NPHP4: variants seen among roughly 807,000 people sequenced by gnomAD.
The protein encoded by NPHP4 is nephrocystin-4.
NPHP4 carries 151 observed loss-of-function variants against 155.8 expected under a neutral mutation model. The observed-to-expected ratio is 0.97, with a 90% CI of 0.85 to 1.11. The LOEUF (loss-of-function observed/expected upper bound fraction) is 1.11. Among genes scored for constraint, NPHP4 ranks in the 50% least tolerant of loss-of-function variants. NPHP4 has a pLI of 0.00. For synonymous variants in NPHP4, 845 were observed against 816.8 expected, an observed-to-expected ratio of 1.03 and a Z score of -0.59; for missense variants, 1,956 against 1,925.7, an observed-to-expected ratio of 1.02 and a Z score of -0.29.
At chr1:5,873,950 CT>C in intron 22 of NPHP4, 1 of 219,992 alleles carries the variant, frequency 4.5e-6, no homozygotes, top group Admixed American at 5.5e-5. Context: ...GCATACATGC[CT>C]CCTGCACACA....
At chr1:5,952,585 CCCACCCCTACCCTGCCCCA>C (rs1648339698) in intron 7 of NPHP4, 96 bp downstream of exon 7, 2 of 138,126 alleles carry the variant, frequency 1.4e-5, no homozygotes, top group Non-Finnish European at 3.2e-5. Context: ...CCCTGCCCCA[CCCACCCCTACCCTGCCCCA>C]CCCACCCCTA....
intron 15 of NPHP4, 149 bp from the exon 16 acceptor site, chr1:5,904,953 G>A: frequency 1.3e-6 from 1 of 760,650 alleles, no homozygotes; most frequent in Non-Finnish European, 2.2e-6. Context: ...CAACCGCTTT[G>A]CTGTGCTCTC....
At chr1:5,973,369 A>T (rs1289019836) in intron 3 of NPHP4, among the ~76,000 whole-genome samples, 1 of 152,174 alleles carries the variant, frequency 6.6e-6, no homozygotes, top group African/African-American at 2.4e-5. Context: ...TTAGAAAAGT[A>T]AGTGAGCAGA....
At position 5,948,127 on chromosome 1, in the gene NPHP4, A is replaced by G. The variant is rs1268264875; in HGVS notation, c.935T>C (p.Val312Ala). The G allele has an allele frequency of 1.2e-6, 2 of 1,613,728 alleles. No individual in the cohort carries two copies. The highest frequency in any genetic ancestry group is 2.7e-5 in the African/African-American group (2 of 74,906). Residue 312 changes from valine (V) to alanine (A), a missense_variant, in exon 8 of 30, where the codon GTG becomes GCG. By Grantham distance (64) the Val-to-Ala change is moderately conservative (BLOSUM62 0). Transcript: ENST00000378156. ...QVVVLVPEMD[V>A]ALTRSASFSR... ...GAAGCTAGCTGAGCGCGTCAAGGCC[A>G]CATCCATCTCAGGCACCAGTACAAC... is the stretch of plus-strand genomic sequence containing the variant.
chr1:5,918,804 A>T (rs1048791818), intron 11 of NPHP4, among the ~76,000 whole-genome samples: 2 of 152,250 alleles, frequency 1.3e-5, no homozygotes, highest in Non-Finnish European at 2.9e-5. Context: ...ATGAAGTGGA[A>T]AACATAAATA....
intron 5 of NPHP4, among the ~76,000 whole-genome samples, chr1:5,963,723 T>C (rs1650814244): frequency 1.3e-5 from 2 of 149,390 alleles, no homozygotes; most frequent in South Asian, 4.2e-4. Context: ...AGAATCTTGC[T>C]GTCACCCAGG....
rs912300581 is a variant in NPHP4 at position 5,974,337 on chromosome 1, C to T, written c.279+3933G>A. Reference sequence around the variant, plus strand: ...GGTTTAAGCTGTTGCTGGAGAATCACGAGGATTCCTGCCCAGTAACTCCCC... The same window carrying T: ...GGTTTAAGCTGTTGCTGGAGAATCATGAGGATTCCTGCCCAGTAACTCCCC... On this transcript the variant is annotated intron_variant, in intron 3 of 29. Transcript: ENST00000378156. 9.4e-4 allele frequency among the ~76,000 whole-genome samples: 143 copies of T among 152,128 alleles called. 2 individuals are homozygous for T. Among genetic ancestry groups the T allele is most frequent in the African/African-American group, 3.1e-3 (130 of 41,504 alleles).
rs1269067609 is a variant in NPHP4, at chr1:5,890,747, G to C, written c.2304+121C>G. On this transcript the variant is annotated intron_variant, in intron 17 of 29. Coordinates refer to ENST00000378156, the MANE Select transcript of NPHP4 (RefSeq NM_015102.5). This position sits in a 1 kb window ranked among gnomAD's most constrained non-coding sequence, Gnocchi z 4.9. The stretch of plus-strand genomic sequence containing the variant: ...CTATTTTTAACGAGTGAACAAAGAA[G>C]GTCAAACAAGTCCTGTGCGGGATAG... 32 of 794,778 alleles carry C rather than the reference G, an allele frequency of 4.0e-5. No homozygotes were observed. Among genetic ancestry groups the C allele is most frequent in the Non-Finnish European group, 7.5e-6 (4 of 531,202 alleles). The allele number at this position is 794,778 out of a possible 1,614,324, so 49.2% of individuals were successfully genotyped here. A position where few individuals can be genotyped will look rare whatever the true frequency, so the allele number is the denominator to read the frequency against.
chr1:5,879,411 T>C, intron 19 of NPHP4: 1 of 414,896 alleles, frequency 2.4e-6, no homozygotes, highest in Non-Finnish European at 4.8e-6. Context: ...CAAACCCAGG[T>C]CTTCCTCTCC....
intron 6 of NPHP4, among the ~76,000 whole-genome samples, chr1:5,953,303 A>C (rs1648543976): frequency 6.6e-6 from 1 of 152,100 alleles, no homozygotes; most frequent in Admixed American, 6.5e-5. Flanking sequence ...GCGGGGTTTC[A>C]CCATATTGGC....
At chr1:5,972,684 A>G (rs977794818) in intron 3 of NPHP4, among the ~76,000 whole-genome samples, 1 of 152,212 alleles carries the variant, frequency 6.6e-6, no homozygotes, top group South Asian at 2.1e-4. Context: ...ATCTCTCATG[A>G]GCAAATGAAT....
At chr1:5,914,464 G>T (rs1645359946) in intron 11 of NPHP4, among the ~76,000 whole-genome samples, 1 of 152,036 alleles carries the variant, frequency 6.6e-6, no homozygotes, top group Admixed American at 6.6e-5. Context: ...CTACACAAGG[G>T]AGTCCCGGCA....
Position 5,978,270 on chromosome 1 carries a change from C to T in NPHP4, c.279G>A (p.Glu93=). The T allele has an allele frequency of 1.2e-6, 2 of 1,604,786 alleles. No individual in the cohort carries two copies. Among genetic ancestry groups the T allele is most frequent in the South Asian group, 2.2e-5 (2 of 89,490 alleles). ...CCCTGCCACCATCACCAGGGCCCAC[C>T]TCATTAAAGACGATCCTGGACGGCG... ...KRPPSRIVFN[E]PLYFHTSLNH... Residue 93 remains glutamate (E), a splice_region_variant and synonymous_variant, in exon 3 of 30, where the codon GAG becomes GAA. Transcript: ENST00000378156.
chr1:5,961,076 G>C (rs557314380), intron 6 of NPHP4, among the ~76,000 whole-genome samples: 70 of 152,314 alleles, frequency 4.6e-4, no homozygotes, highest in African/African-American at 1.5e-3. Flanking sequence ...ACTCCACTCA[G>C]AACTTTGAAG....
chr1:5,977,230 G>T lies in NPHP4; in HGVS notation c.279+1040C>A, dbSNP rs1653770044. Reference sequence around the variant, plus strand: ...ACGTCAGCGTCCCTAAGAAGACCCTGTAGGACCCAGCCAGAAGGCACGACG... The same window carrying T: ...ACGTCAGCGTCCCTAAGAAGACCCTTTAGGACCCAGCCAGAAGGCACGACG... On this transcript the variant is annotated intron_variant, in intron 3 of 29. Transcript: ENST00000378156. Among the ~76,000 whole-genome samples the T allele has an allele frequency of 2.0e-5, 3 of 152,190 alleles. 1 individual carries two copies. The South Asian group carries it at 6.2e-4, about 32-fold the overall frequency.
At chr1:5,971,267 A>G (rs559887465) in intron 3 of NPHP4, among the ~76,000 whole-genome samples, 26 of 152,284 alleles carry the variant, frequency 1.7e-4, no homozygotes, top group Admixed American at 2.6e-4. Context: ...AACAACAACA[A>G]CAGCAACAGA....
At chr1:5,946,984 C>T in intron 9 of NPHP4, 120 bp downstream of exon 9, 1 of 1,069,654 alleles carries the variant, frequency 9.3e-7, no homozygotes, top group South Asian at 1.3e-5. Flanking sequence ...GTGATTTTTA[C>T]TTATTATTTA....
chr1:5,912,046 G>A (rs544289747), intron 11 of NPHP4, among the ~76,000 whole-genome samples: 10 of 152,288 alleles, frequency 6.6e-5, no homozygotes, highest in East Asian at 3.9e-4. Flanking sequence ...GAGCAGCTGC[G>A]GTGAGCAGAC....
intron 23 of NPHP4, among the ~76,000 whole-genome samples, chr1:5,868,762 C>T (rs1433018273): frequency 1.4e-5 from 2 of 142,916 alleles, no homozygotes; most frequent in African/African-American, 2.6e-5. Context: ...TACACATATG[C>T]ATGCACCCAC....
Sources: gnomAD v4.1 joint callset for allele counts (sites outside exome capture counted in the v4.1 genomes callset) on GRCh38, gnomAD v4.1.1 for gene constraint, Gnocchi (gnomAD v3.1) non-coding constraint, MANE v1.5 for transcripts, NCBI Gene and HGNC (gene_info 2026-07-23, HGNC 2026-07-21) for gene names.